The following ATG14 variants were observed in gnomAD, a reference collection of about 807,000 sequenced individuals.
ATG14 encodes the protein beclin 1-associated autophagy-related key regulator.
ATG14 carries 35 observed loss-of-function variants against 60.4 expected under a neutral mutation model. The ratio of observed to expected loss-of-function variants is 0.58; its 90% CI spans 0.44 to 0.77. The LOEUF is 0.77. Among genes scored for constraint, ATG14 ranks in the 30% least tolerant of loss-of-function variants. ATG14 has a pLI of 0.00. For synonymous variants in ATG14, 234 were observed against 228.8 expected (o/e 1.02, Z -0.21); for missense variants, 647 against 626.3 (o/e 1.03, Z -0.35).
intron 1 of ATG14, among the ~76,000 whole-genome samples, chr14:55,402,075 A>G (rs1005414332): frequency 1.3e-5 from 2 of 151,906 alleles, no homozygotes; most frequent in African/African-American, 4.9e-5. Flanking sequence ...TCTGCCTTAT[A>G]TTACCAGAAA....
chr14:55,383,335 G>A (rs1885067145), intron 5 of ATG14, among the ~76,000 whole-genome samples: 1 of 152,166 alleles, frequency 6.6e-6, no homozygotes, highest in South Asian at 2.1e-4. Context: ...CAGATCACTT[G>A]AGGTCAGGAA....
chr14:55,396,273 A>C (rs1252555774), intron 2 of ATG14, among the ~76,000 whole-genome samples: 4 of 152,258 alleles, frequency 2.6e-5, no homozygotes, highest in Non-Finnish European at 5.9e-5. Flanking sequence ...GCCATCCGTC[A>C]TAATTCATAG....
chr14:55,380,876 T>TATATATATATATATATATATA (rs1555341864), intron 6 of ATG14, among the ~76,000 whole-genome samples, 186 bp from the exon 7 acceptor site: 3 of 84,324 alleles, frequency 3.6e-5, no homozygotes, highest in African/African-American at 1.3e-4. Flanking sequence ...TATATATATA[T>TATATATATATATATATATATA]TTTTTTTTTT....
chr14:55,375,476 C>T (rs987382803), intron 9 of ATG14, among the ~76,000 whole-genome samples: 1 of 150,560 alleles, frequency 6.6e-6, no homozygotes, highest in Non-Finnish European at 1.5e-5. Flanking sequence ...GCATGCATTA[C>T]CACGCCGGGC....
At chr14:55,387,559 A>G (rs1446215390) in intron 4 of ATG14, among the ~76,000 whole-genome samples, 1 of 152,160 alleles carries the variant, frequency 6.6e-6, no homozygotes, top group Admixed American at 6.5e-5. Flanking sequence ...CTGTCTCCTA[A>G]CTAGGGTATA....
At chr14:55,400,410 T>C (rs949268868) in intron 1 of ATG14, among the ~76,000 whole-genome samples, 8 of 152,232 alleles carry the variant, frequency 5.3e-5, no homozygotes, top group African/African-American at 1.7e-4. Flanking sequence ...TCTTTTTCCA[T>C]GCCAGAACAT....
chr14:55,408,204 G>A (rs930848026), intron 1 of ATG14, among the ~76,000 whole-genome samples: 40 of 151,938 alleles, frequency 2.6e-4, no homozygotes, highest in African/African-American at 9.4e-4. Context: ...TGTAATTCCC[G>A]CACTTGGGGA....
chr14:55,411,680 G>T lies in ATG14; in HGVS notation c.143C>A (p.Thr48Asn). ...GGCGCAGGTCAGCCGCCGGCGGGTA[G>T]TGTTGCACAGCGGGCAGCGCTCCAC... ...VAVERCPLCN[T>N]TRRRLTCAKC... is the part of the protein sequence containing the mutation. Residue 48 changes from threonine (T) to asparagine (N), a missense_variant, in exon 1 of 10, where the codon ACT becomes AAT. Transcript: ENST00000247178. 6.2e-7 allele frequency: 1 copy of T among 1,613,360 alleles called. No homozygotes were observed. The highest frequency in any genetic ancestry group is 8.5e-7 in the Non-Finnish European group (1 of 1,179,856).
In ATG14 at chr14:55,369,360, G is replaced by T. The variant is rs188833902; in HGVS notation, c.*259C>A. 191 of 298,874 alleles carry T rather than the reference G, an allele frequency of 6.4e-4. 1 individual carries two copies. The highest frequency in any genetic ancestry group is 3.8e-3 in the African/African-American group (176 of 46,626). 18.5% of individuals were successfully genotyped at this position (298,874 alleles called of 1,614,324 possible). Reference sequence around the variant, plus strand: ...TTGGCAGAACTGGCCACACGCACAGGTCCTCCTTCCACCAGCACTGGTCTG... The same window carrying T: ...TTGGCAGAACTGGCCACACGCACAGTTCCTCCTTCCACCAGCACTGGTCTG... On this transcript the variant is annotated 3_prime_UTR_variant, in exon 10 of 10. Coordinates refer to ENST00000247178, the MANE Select transcript of ATG14 (RefSeq NM_014924.5).
intron 9 of ATG14, among the ~76,000 whole-genome samples, chr14:55,371,622 G>A (rs1884819071): frequency 6.6e-6 from 1 of 152,076 alleles, no homozygotes. Context: ...GGCTAACACA[G>A]TGAAACCCTG....
chr14:55,375,483 G>T (rs1037933985), intron 9 of ATG14, among the ~76,000 whole-genome samples: 1 of 145,222 alleles, frequency 6.9e-6, no homozygotes, highest in Non-Finnish European at 1.5e-5. Context: ...TTACCACGCC[G>T]GGCTAAATTT....
At chr14:55,397,158 T>C (rs1398610383) in intron 2 of ATG14, among the ~76,000 whole-genome samples, 1 of 152,210 alleles carries the variant, frequency 6.6e-6, no homozygotes, top group Non-Finnish European at 1.5e-5. Context: ...ATCTACTGTA[T>C]ACCACACACC....
At chr14:55,384,834 C>G (rs1885095644) in intron 5 of ATG14, among the ~76,000 whole-genome samples, 1 of 152,296 alleles carries the variant, frequency 6.6e-6, no homozygotes, top group Middle Eastern at 3.4e-3. Context: ...CGGAAGCCTT[C>G]GGTAGTAGTT....
intron 2 of ATG14, 88 bp downstream of exon 2, chr14:55,397,284 T>C: frequency 9.0e-7 from 1 of 1,110,980 alleles, no homozygotes; most frequent in Non-Finnish European, 1.4e-6. Flanking sequence ...AAGTTAGCAA[T>C]CCGTATATCT....
At position 55,369,894 on chromosome 14, in the gene ATG14, C is replaced by G; in HGVS notation, c.1204G>C (p.Glu402Gln). 1 of 1,613,360 alleles carries G rather than the reference C, an allele frequency of 6.2e-7. No individual in the cohort carries two copies. The highest frequency in any genetic ancestry group is 8.5e-7 in the Non-Finnish European group (1 of 1,179,458). ...SGPFEVRADL[E>Q]ESMEFVDPGV... ...GGATCCACAAATTCCATGGACTCCT[C>G]AAGGTCTGCTCGTACTTCAAAGGGC... The change falls in exon 10 of 10, where the codon GAG becomes CAG. Residue 402 changes from glutamate (E) to glutamine (Q), a missense_variant. Glu to Gln is a conservative substitution (Grantham distance 29). Transcript: ENST00000247178.
At chr14:55,380,115 G>A (rs112766537) in intron 7 of ATG14, among the ~76,000 whole-genome samples, 8,869 of 152,154 alleles carry the variant, frequency 0.058, 327 homozygotes, top group South Asian at 0.089. Flanking sequence ...AGGCGTGGTC[G>A]TGGGTGCCTG....
In ATG14 at chr14:55,390,902, ATTAC is replaced by A; in HGVS notation, c.409+5_409+8del. On this transcript the variant is annotated splice_donor_5th_base_variant and intron_variant, in intron 4 of 9. Coordinates refer to ENST00000247178, the MANE Select transcript of ATG14 (RefSeq NM_014924.5). ...TCTAGGGCTGGAAGGAAGGACACGA[ATTAC>A]TTACTTTTCTCCATTTCTTCATTTC... is the stretch of plus-strand genomic sequence containing the variant. 1 of 1,563,894 alleles carries A rather than the reference ATTAC, an allele frequency of 6.4e-7. No homozygotes were observed.
rs370413566 is a variant in ATG14 at position 55,369,668 on chromosome 14, G to A, written c.1430C>T (p.Ala477Val). 1.3e-6 allele frequency: 2 copies of A among 1,574,838 alleles called. No homozygotes were observed. The highest frequency in any genetic ancestry group is 1.7e-6 in the Non-Finnish European group (2 of 1,156,962). ...SSSAGGMISS[A>V]AASVTSWFKA... Reference sequence around the variant, plus strand: ...AAACCAGGAGGTCACCGAGGCTGCTGCAGAGGAGATCATCCCACCTGCACT... The same window carrying A: ...AAACCAGGAGGTCACCGAGGCTGCTACAGAGGAGATCATCCCACCTGCACT... Residue 477 changes from alanine to valine, a missense_variant, in exon 10 of 10, where the codon GCA becomes GTA. Transcript: ENST00000247178.
At chr14:55,401,637 T>C (rs1054404480) in intron 1 of ATG14, among the ~76,000 whole-genome samples, 6 of 152,250 alleles carry the variant, frequency 3.9e-5, no homozygotes, top group Admixed American at 3.9e-4. Context: ...TCCATACTTT[T>C]ATGACTTATG....
Sources: gnomAD v4.1 joint callset for allele counts (sites outside exome capture counted in the v4.1 genomes callset) on GRCh38, gnomAD v4.1.1 for gene constraint, MANE v1.5 for transcripts, NCBI Gene and HGNC (gene_info 2026-07-23, HGNC 2026-07-21) for gene names.